VAV2: variants seen among roughly 807,000 people sequenced by gnomAD.
VAV2 encodes the protein guanine nucleotide exchange factor VAV2.
In VAV2, 67 loss-of-function variants were observed where a neutral mutation model predicts 132.5. That is an observed-to-expected ratio of 0.51 (90% CI 0.42 to 0.62). The LOEUF (loss-of-function observed/expected upper bound fraction) is 0.62, where lower values mean the gene tolerates loss of function less well. Ranked by LOEUF, VAV2 falls within the 20% of genes least tolerant of loss-of-function variation. The pLI, the probability that VAV2 is intolerant of heterozygous loss-of-function variation, is 0.00. For missense variants in VAV2, 938 were observed against 1,153.6 expected (o/e 0.81, Z 2.71); for synonymous variants, 492 against 443.5 (o/e 1.11, Z -1.37).
At chr9:133,815,764 T>C (rs1021277029) in intron 4 of VAV2, among the ~76,000 whole-genome samples, 13 of 152,132 alleles carry the variant, frequency 8.5e-5, no homozygotes, top group Admixed American at 3.9e-4. Flanking sequence ...TATATGAGCA[T>C]TCAAGTTGTG....
chr9:133,949,302 G>T (rs1841476929), intron 1 of VAV2, among the ~76,000 whole-genome samples: 1 of 152,100 alleles, frequency 6.6e-6, no homozygotes. Context: ...CCCAATTCCG[G>T]TGCCTTCCAA....
At chr9:133,944,902 A>C (rs1841305566) in intron 1 of VAV2, among the ~76,000 whole-genome samples, 1 of 151,870 alleles carries the variant, frequency 6.6e-6, no homozygotes, top group African/African-American at 2.4e-5. Context: ...TCATGTGCAC[A>C]GTGAGGCTCT....
intron 4 of VAV2, among the ~76,000 whole-genome samples, chr9:133,814,595 A>G (rs1835485328): frequency 6.6e-6 from 1 of 152,234 alleles, no homozygotes; most frequent in Admixed American, 6.5e-5. Context: ...AAATGCTGCA[A>G]GAGCTGATGA....
chr9:133,983,005 T>C (rs1403593596), intron 1 of VAV2, among the ~76,000 whole-genome samples: 1 of 152,190 alleles, frequency 6.6e-6, no homozygotes, highest in Non-Finnish European at 1.5e-5. Flanking sequence ...CTGGAACATC[T>C]GCCGCCACCT....
intron 13 of VAV2, among the ~76,000 whole-genome samples, chr9:133,790,002 C>G (rs894320841): frequency 6.6e-6 from 1 of 152,228 alleles, no homozygotes; most frequent in African/African-American, 2.4e-5. Context: ...CTTCCAAGGT[C>G]TCAGCCCCAG....
intron 9 of VAV2, among the ~76,000 whole-genome samples, chr9:133,801,113 C>T (rs927361915): frequency 6.6e-6 from 1 of 152,204 alleles, no homozygotes; most frequent in African/African-American, 2.4e-5. Flanking sequence ...CAGGCACTCA[C>T]ACACGGCTGT....
chr9:133,958,010 C>A (rs1177806003), intron 1 of VAV2, among the ~76,000 whole-genome samples: 1 of 141,590 alleles, frequency 7.1e-6, no homozygotes, highest in African/African-American at 2.5e-5. Flanking sequence ...AGGCAGCATG[C>A]TCGTTAAGAG....
intron 2 of VAV2, among the ~76,000 whole-genome samples, chr9:133,936,583 A>T (rs970513086): frequency 6.6e-6 from 1 of 152,124 alleles, no homozygotes; most frequent in Admixed American, 6.6e-5. Context: ...GGAGAGAAAA[A>T]CAGTAGGCAC....
intron 2 of VAV2, among the ~76,000 whole-genome samples, chr9:133,903,063 G>A (rs1022752538): frequency 7.2e-5 from 10 of 138,056 alleles, no homozygotes; most frequent in South Asian, 2.3e-4. Flanking sequence ...CAACAAGAGC[G>A]AAACCCTGCC....
At chr9:133,869,344 A>T (rs888377249) in intron 2 of VAV2, among the ~76,000 whole-genome samples, 2 of 152,154 alleles carry the variant, frequency 1.3e-5, no homozygotes, top group Non-Finnish European at 2.9e-5. Context: ...AGTGGCTCAC[A>T]CATGCAATCT....
At chr9:133,940,102 T>A (rs1480960324) in intron 1 of VAV2, among the ~76,000 whole-genome samples, 1 of 152,142 alleles carries the variant, frequency 6.6e-6, no homozygotes, top group Non-Finnish European at 1.5e-5. Context: ...GGGCCCCAGG[T>A]TGGAATCCTG....
At chr9:133,971,804 G>A (rs1225078706) in intron 1 of VAV2, among the ~76,000 whole-genome samples, 1 of 152,200 alleles carries the variant, frequency 6.6e-6, no homozygotes, top group Non-Finnish European at 1.5e-5. Context: ...TCACAATGGG[G>A]AGGCGGCCAG....
At chr9:133,820,232 G>T (rs2131729266) in intron 4 of VAV2, among the ~76,000 whole-genome samples, 2 of 152,298 alleles carry the variant, frequency 1.3e-5, no homozygotes, top group Middle Eastern at 6.8e-3. Flanking sequence ...CTCCCTAATA[G>T]CTCCTTTCCT....
chr9:133,783,020 G>A (rs1451396032), intron 19 of VAV2, among the ~76,000 whole-genome samples: 3 of 152,204 alleles, frequency 2.0e-5, no homozygotes, highest in African/African-American at 7.2e-5. Context: ...ATGAACAGAA[G>A]GGAACCACTG....
chr9:133,924,781 A>G (rs378732), intron 2 of VAV2, among the ~76,000 whole-genome samples: 61,023 of 152,144 alleles, frequency 0.4, 13,164 homozygotes, highest in Non-Finnish European at 0.48. Context: ...CTAAATGACC[A>G]TGAATATTCA....
chr9:133,934,036 GTAGATGGATGGACAGATGAATGATTGA>G (rs1840811258), intron 2 of VAV2, among the ~76,000 whole-genome samples: 1 of 149,876 alleles, frequency 6.7e-6, no homozygotes, highest in African/African-American at 2.5e-5. Flanking sequence ...GGGTGGATGG[GTAGATGGATGGACAGATGAATGATTGA>G]TGGATAGATG....
chr9:133,815,641 T>TCCAG (rs1316226155), intron 4 of VAV2, among the ~76,000 whole-genome samples: 1 of 152,228 alleles, frequency 6.6e-6, no homozygotes, highest in Non-Finnish European at 1.5e-5. Flanking sequence ...AGCTCATTCC[T>TCCAG]GTTTACTGCT....
chr9:133,822,956 C>G (rs972077201), intron 4 of VAV2, among the ~76,000 whole-genome samples: 1 of 152,228 alleles, frequency 6.6e-6, no homozygotes, highest in Non-Finnish European at 1.5e-5. Flanking sequence ...ATTTGTGCAA[C>G]TGCAAAATGG....
intron 2 of VAV2, among the ~76,000 whole-genome samples, chr9:133,893,979 G>A (rs934926521): frequency 2.6e-5 from 4 of 152,166 alleles, no homozygotes; most frequent in East Asian, 1.9e-4. Flanking sequence ...ACTGAGGCTC[G>A]GGGAGAAGGA....
Sources: gnomAD v4.1 joint callset for allele counts (sites outside exome capture counted in the v4.1 genomes callset) on GRCh38, gnomAD v4.1.1 for gene constraint, MANE v1.5 for transcripts, NCBI Gene and HGNC (gene_info 2026-07-23, HGNC 2026-07-21) for gene names.